ELFN1: variants seen among roughly 807,000 people sequenced by gnomAD.
ELFN1 encodes protein ELFN1.
Under a neutral mutation model 7.6 loss-of-function variants are expected in ELFN1, and 6 were observed. The observed-to-expected ratio is 0.79, with a 90% CI of 0.43 to 1.56. The LOEUF is 1.56. Ranked by LOEUF, ELFN1 falls within the 40% of genes most tolerant of loss-of-function variation. ELFN1 has a pLI of 0.01. For synonymous variants in ELFN1, 657 were observed against 588.1 expected, an observed-to-expected ratio of 1.12 and a Z score of -1.70; for missense variants, 1,169 against 1,232.2, an observed-to-expected ratio of 0.95 and a Z score of 0.77.
chr7:1,677,880 C>T (rs1367079788), intron 1 of ELFN1, among the ~76,000 whole-genome samples: 1 of 152,064 alleles, frequency 6.6e-6, no homozygotes, highest in Non-Finnish European at 1.5e-5. Flanking sequence ...CGGCCGGCTC[C>T]CCTGTCCTTG....
At chr7:1,721,949 T>A (rs546463489) in intron 3 of ELFN1, among the ~76,000 whole-genome samples, 2 of 152,214 alleles carry the variant, frequency 1.3e-5, no homozygotes, top group Non-Finnish European at 2.9e-5. Context: ...GGCCCCTGGC[T>A]TACGGCTCCC....
rs1298689801 is a variant in ELFN1 at position 1,695,691 on chromosome 7, T to A, written c.-456+7541T>A. On this transcript the variant is annotated intron_variant, in intron 2 of 3. Coordinates refer to ENST00000424383, the MANE Select transcript of ELFN1 (RefSeq NM_001128636.4). This position sits in a 1 kb window ranked among gnomAD's most constrained non-coding sequence, Gnocchi z 5.1. ...TGAACCCAGGAGGTGGAGGTTGCAG[T>A]GAGCCGAGATCGCGCCACTGCACTG... Among the ~76,000 whole-genome samples the A allele has an allele frequency of 3.7e-5, 5 of 134,100 alleles. No individual in the cohort carries two copies. The highest frequency in any genetic ancestry group is 6.0e-5 in the Non-Finnish European group (4 of 66,154). The allele number at this position is 134,100 out of a possible 152,430, so 88.0% of individuals were successfully genotyped here.
chr7:1,698,405 T>G (rs1004511217), intron 2 of ELFN1, among the ~76,000 whole-genome samples: 1 of 152,112 alleles, frequency 6.6e-6, no homozygotes, highest in African/African-American at 2.4e-5. Flanking sequence ...TCCTGTCGGG[T>G]GAGGAATGGT....
At chr7:1,707,570 G>T (rs548712137) in intron 2 of ELFN1, among the ~76,000 whole-genome samples, 1 of 152,200 alleles carries the variant, frequency 6.6e-6, no homozygotes, top group East Asian at 1.9e-4. Context: ...ACGGCAGGGC[G>T]GCTCACAGAG....
At chr7:1,706,810 G>A (rs1199877857) in intron 2 of ELFN1, among the ~76,000 whole-genome samples, 2 of 152,218 alleles carry the variant, frequency 1.3e-5, no homozygotes, top group African/African-American at 2.4e-5. Context: ...CCAGCCCCTC[G>A]GGTGCCATGC....
intron 3 of ELFN1, 105 bp from the exon 4 acceptor site, chr7:1,744,199 G>T: frequency 4.3e-6 from 1 of 234,502 alleles, no homozygotes; most frequent in Non-Finnish European, 8.1e-6. Context: ...AGCGGAGCAG[G>T]GACTCAGGCC....
At chr7:1,713,799 C>A (rs961452859) in intron 3 of ELFN1, among the ~76,000 whole-genome samples, 4 of 152,206 alleles carry the variant, frequency 2.6e-5, no homozygotes, top group African/African-American at 9.6e-5. Context: ...AAGTGCAGGG[C>A]TGGCATCCCA....
intron 2 of ELFN1, chr7:1,693,605 G>A (rs745817852): frequency 2.5e-5 from 12 of 471,098 alleles, no homozygotes; most frequent in East Asian, 6.9e-5. Context: ...GGTGTACACC[G>A]CTGTGTGAAC....
chr7:1,676,886 C>A (rs531009348), intron 1 of ELFN1, among the ~76,000 whole-genome samples: 1 of 152,268 alleles, frequency 6.6e-6, no homozygotes, highest in Admixed American at 6.5e-5. Context: ...GGGGAGTTTG[C>A]AGCAGCTGAG....
chr7:1,692,724 C>T (rs1259285844), intron 2 of ELFN1: 1 of 154,026 alleles, frequency 6.5e-6, no homozygotes, highest in Non-Finnish European at 1.4e-5. Flanking sequence ...GCTCCCTCCC[C>T]TCAACCTCAC....
chr7:1,697,481 G>A (rs756178959), intron 2 of ELFN1, among the ~76,000 whole-genome samples: 4 of 152,238 alleles, frequency 2.6e-5, no homozygotes, highest in East Asian at 1.9e-4. Flanking sequence ...GCCAGGTCCC[G>A]GCACAGCCGA....
At chr7:1,682,608 ATTT>A (rs58388763) in intron 1 of ELFN1, among the ~76,000 whole-genome samples, 19 of 123,034 alleles carry the variant, frequency 1.5e-4, no homozygotes, top group Admixed American at 3.3e-4. Context: ...GCCAGGATAA[ATTT>A]TTTTTTTTTT....
intron 1 of ELFN1, among the ~76,000 whole-genome samples, chr7:1,683,494 A>G (rs1779010388): frequency 6.6e-6 from 1 of 152,152 alleles, no homozygotes; most frequent in South Asian, 2.1e-4. Context: ...TTATATTTCC[A>G]CATACATTTG....
chr7:1,687,865 T>A (rs955056259), intron 1 of ELFN1, among the ~76,000 whole-genome samples, 193 bp from the exon 2 acceptor site: 3 of 152,138 alleles, frequency 2.0e-5, no homozygotes, highest in African/African-American at 7.2e-5. Context: ...GACCTATCTG[T>A]TTAAAAGTCA....
chr7:1,727,978 G>C (rs1780241305), intron 3 of ELFN1, among the ~76,000 whole-genome samples: 1 of 152,184 alleles, frequency 6.6e-6, no homozygotes, highest in Non-Finnish European at 1.5e-5. Flanking sequence ...TCCACCCTGT[G>C]TGCAGGGGAG....
chr7:1,723,510 G>A (rs1244617894), intron 3 of ELFN1, among the ~76,000 whole-genome samples: 1 of 152,202 alleles, frequency 6.6e-6, no homozygotes, highest in African/African-American at 2.4e-5. Context: ...CTTTTTCACT[G>A]CTGCATAGTA....
intron 3 of ELFN1, among the ~76,000 whole-genome samples, chr7:1,722,175 T>C (rs1780042703): frequency 6.6e-6 from 1 of 152,040 alleles, no homozygotes; most frequent in African/African-American, 2.4e-5. Flanking sequence ...TACCTAGACT[T>C]ACCAAATCAG....
At chr7:1,681,806 G>C (rs565646092) in intron 1 of ELFN1, among the ~76,000 whole-genome samples, 16 of 152,292 alleles carry the variant, frequency 1.1e-4, no homozygotes, top group African/African-American at 3.6e-4. Flanking sequence ...GATGTGTAAT[G>C]GTGTCCCATG....
At chr7:1,712,363 G>C (rs1486497416) in intron 3 of ELFN1, among the ~76,000 whole-genome samples, 1 of 151,464 alleles carries the variant, frequency 6.6e-6, no homozygotes, top group African/African-American at 2.4e-5. Context: ...CTCGTGATCT[G>C]CCCGCCTCGG....
Sources: gnomAD v4.1 joint callset for allele counts (sites outside exome capture counted in the v4.1 genomes callset) on GRCh38, gnomAD v4.1.1 for gene constraint, Gnocchi (gnomAD v3.1) non-coding constraint, MANE v1.5 for transcripts, NCBI Gene and HGNC (gene_info 2026-07-23, HGNC 2026-07-21) for gene names.